Variants in PLD3 observed in about 807,000 individuals in gnomAD.
PLD3 encodes 5'-3' exonuclease PLD3.
A neutral mutation model predicts 58.4 loss-of-function variants in PLD3; 31 were observed. The ratio of observed to expected loss-of-function variants is 0.53; its 90% CI spans 0.40 to 0.72. The LOEUF (loss-of-function observed/expected upper bound fraction) is 0.72. Among genes scored for constraint, PLD3 ranks in the 30% least tolerant of loss-of-function variants. The probability of loss-of-function intolerance (pLI) is 0.00; values close to 1 mark genes in which losing one functional copy is unlikely to be tolerated. For synonymous variants in PLD3, 264 were observed against 273.4 expected (o/e 0.97, Z 0.34); for missense variants, 595 against 659.8 (o/e 0.90, Z 1.08).
At chr19:40,354,263 G>A (rs571241472) in intron 1 of PLD3, among the ~76,000 whole-genome samples, 14 of 151,514 alleles carry the variant, frequency 9.2e-5, no homozygotes, top group South Asian at 8.4e-4. Context: ...TAGTAGAGAC[G>A]GGGTTTCACC....
intron 6 of PLD3, among the ~76,000 whole-genome samples, chr19:40,368,386 C>T (rs1178572573): frequency 6.6e-6 from 1 of 152,164 alleles, no homozygotes; most frequent in Non-Finnish European, 1.5e-5. Flanking sequence ...CAGAGTCAGC[C>T]TTTGTGAGTC....
At chr19:40,352,368 T>C (rs1454288080) in intron 1 of PLD3, among the ~76,000 whole-genome samples, 1 of 152,202 alleles carries the variant, frequency 6.6e-6, no homozygotes, top group Non-Finnish European at 1.5e-5. Flanking sequence ...GTTCAGCTGC[T>C]GTCCCAGACG....
At chr19:40,351,846 G>A (rs2078523914) in intron 1 of PLD3, among the ~76,000 whole-genome samples, 1 of 152,214 alleles carries the variant, frequency 6.6e-6, no homozygotes, top group Non-Finnish European at 1.5e-5. Context: ...CCATCACCCT[G>A]AGCTGTGGCA....
At chr19:40,376,582 C>A in intron 10 of PLD3, 27 bp from the exon 11 acceptor site, 1 of 1,598,936 alleles carries the variant, frequency 6.3e-7, no homozygotes, top group Non-Finnish European at 8.5e-7. Context: ...CTGCATCCTG[C>A]CCCACCTCCT....
intron 9 of PLD3, among the ~76,000 whole-genome samples, chr19:40,372,879 AG>A (rs1023622277): frequency 9.2e-5 from 14 of 152,172 alleles, no homozygotes; most frequent in African/African-American, 3.4e-4. Context: ...CTCCAAAAAA[AG>A]AAAAAATTCA....
At chr19:40,367,090 G>A in intron 5 of PLD3, 175 bp downstream of exon 5, 1 of 634,526 alleles carries the variant, frequency 1.6e-6, no homozygotes, top group Non-Finnish European at 2.6e-6. Flanking sequence ...AGTTTCTATG[G>A]CAGCCACAGC....
At chr19:40,367,100 C>A in intron 5 of PLD3, 185 bp downstream of exon 5, 1 of 613,622 alleles carries the variant, frequency 1.6e-6, no homozygotes, top group Non-Finnish European at 2.8e-6. Flanking sequence ...GCAGCCACAG[C>A]GTCATCTTCT....
rs1241374079 is a variant in PLD3 at position 40,367,777 on chromosome 19, G to T, written c.327G>T (p.Trp109Cys). Residue 109 changes from tryptophan (W) to cysteine (C), a missense_variant, in exon 6 of 13, where the codon TGG becomes TGT. Trp to Cys is a radical substitution (Grantham distance 215). Transcript: ENST00000409735. ...GGAACCCTTCCACCAGCCAGGCCTGGCTGGGCCTGCTCGCCGGTGCGCACA... is the reference window on the plus strand; with the variant it reads ...GGAACCCTTCCACCAGCCAGGCCTGTCTGGGCCTGCTCGCCGGTGCGCACA... ...STGNPSTSQA[W>C]LGLLAGAHSS... 1 of 1,613,204 alleles carries T rather than the reference G, an allele frequency of 6.2e-7. No individual in the cohort carries two copies. The highest frequency in any genetic ancestry group is 8.5e-7 in the Non-Finnish European group (1 of 1,179,740).
chr19:40,374,483 T>G lies in PLD3; in HGVS notation c.882T>G (p.Ser294Arg), dbSNP rs1354120849. The G allele has an allele frequency of 6.2e-7, 1 of 1,613,780 alleles. No homozygotes were observed. The highest frequency in any genetic ancestry group is 1.3e-5 in the African/African-American group (1 of 74,834). ...NGTPALAYLA[S>R]APPPLCPSGR... The stretch of plus-strand genomic sequence containing the variant: ...CTTAACTGTCCCCTCGCCCTCAGAG[T>G]GCGCCCCCACCCCTGTGTCCAAGTG... Residue 294 changes from serine (S) to arginine (R), a missense_variant and splice_region_variant, in exon 10 of 13, where the codon AGT becomes AGG. Coordinates refer to ENST00000409735, the MANE Select transcript of PLD3 (RefSeq NM_012268.4).
chr19:40,376,984 A>G (rs1486418417), intron 11 of PLD3, among the ~76,000 whole-genome samples: 5 of 136,130 alleles, frequency 3.7e-5, no homozygotes, highest in Admixed American at 7.2e-5. Context: ...TGGGACCGGG[A>G]TGGGGGTGCA....
chr19:40,372,763 C>A (rs1414411945), intron 9 of PLD3, among the ~76,000 whole-genome samples: 1 of 148,032 alleles, frequency 6.8e-6, no homozygotes, highest in Non-Finnish European at 1.5e-5. Context: ...CACCTGTAGT[C>A]CCTGGGGAGG....
At chr19:40,351,620 C>T (rs2145655830) in intron 1 of PLD3, among the ~76,000 whole-genome samples, 1 of 152,224 alleles carries the variant, frequency 6.6e-6, no homozygotes, top group East Asian at 1.9e-4. Context: ...ACAGCAAAAG[C>T]AAAAGTCTTG....
chr19:40,376,326 G>A, intron 10 of PLD3: 1 of 380,904 alleles, frequency 2.6e-6, no homozygotes, highest in East Asian at 4.8e-5. Context: ...TTGCACTCCA[G>A]CGTGGGCAAC....
chr19:40,362,220 A>G (rs556179573), intron 1 of PLD3, among the ~76,000 whole-genome samples: 1 of 152,348 alleles, frequency 6.6e-6, no homozygotes, highest in Admixed American at 6.5e-5. Context: ...GGCAACCAGT[A>G]AATGTGTGTA....
rs1045249524 is a variant in PLD3 at position 40,366,994 on chromosome 19, G to A, written c.245+79G>A. 2.7e-6 allele frequency: 4 copies of A among 1,465,734 alleles called. No homozygotes were observed. In the African/African-American group the frequency reaches 5.6e-5, roughly 21 times the overall value. The allele number at this position is 1,465,734 out of a possible 1,614,324, so 90.8% of individuals were successfully genotyped here. ...CTTAAGCACACACTAAACAGGGCCT[G>A]CACTCAGCCCTACCCAGCGCTTGCG... is the stretch of plus-strand genomic sequence containing the variant. On this transcript the variant is annotated intron_variant, in intron 5 of 12. Transcript: ENST00000409735.
intron 8 of PLD3, chr19:40,371,348 AGGAAT>A (rs2079062650): frequency 6.6e-6 from 2 of 304,294 alleles, no homozygotes; most frequent in Non-Finnish European, 1.2e-5. Flanking sequence ...GAGAGCCCAG[AGGAAT>A]GCCTGGTGCA....
In PLD3 at chr19:40,366,891, C is replaced by A; in HGVS notation, c.221C>A (p.Pro74Gln). Residue 74 changes from proline to glutamine, a missense_variant, in exon 5 of 13, where the codon CCA (proline) becomes CAA (glutamine). Coordinates refer to ENST00000409735, the MANE Select transcript of PLD3 (RefSeq NM_012268.4). ...CATCTCTTTGGGCCCAACCAGCGCCCAGCCCCCTGCTATGACCCTTGCGAG... is the reference window on the plus strand; with the variant it reads ...CATCTCTTTGGGCCCAACCAGCGCCAAGCCCCCTGCTATGACCCTTGCGAG... ...DLHLFGPNQR[P>Q]APCYDPCEAV... 6.2e-7 allele frequency: 1 copy of A among 1,611,384 alleles called. No individual in the cohort carries two copies.
chr19:40,357,951 C>T (rs1185880327), intron 1 of PLD3: 1 of 152,154 alleles, frequency 6.6e-6, no homozygotes, highest in Non-Finnish European at 1.5e-5. Flanking sequence ...GAAAGTGTGG[C>T]TTAGAGAAGG....
intron 5 of PLD3, chr19:40,367,120 G>C (rs934954235): frequency 1.7e-6 from 1 of 578,908 alleles, no homozygotes; most frequent in Non-Finnish European, 3.0e-6. Context: ...TGTCAGGCCT[G>C]TGAACAGACA....
Sources: allele counts gnomAD v4.1 joint callset (sites outside exome capture counted in the v4.1 genomes callset), GRCh38; gene constraint gnomAD v4.1.1; transcripts MANE v1.5; gene names NCBI Gene and HGNC (gene_info 2026-07-23, HGNC 2026-07-21).